ANKS3: variants seen among roughly 807,000 people sequenced by gnomAD.
The protein encoded by ANKS3 is ankyrin repeat and sterile alpha motif domain containing 3, also known as ankyrin repeat and SAM domain-containing protein 3.
A neutral mutation model predicts 80.7 loss-of-function variants in ANKS3; 62 were observed. The ratio of observed to expected loss-of-function variants is 0.77; its 90% CI spans 0.63 to 0.95. ANKS3 has a LOEUF of 0.95. Among genes scored for constraint, ANKS3 ranks in the 40% least tolerant of loss-of-function variants. The pLI, the probability that ANKS3 is intolerant of heterozygous loss-of-function variation, is 0.00. For missense variants in ANKS3, 1,150 were observed against 883.6 expected, an observed-to-expected ratio of 1.30 and a Z score of -3.82; for synonymous variants, 489 against 355.3, an observed-to-expected ratio of 1.38 and a Z score of -4.23.
intron 4 of ANKS3, 27 bp downstream of exon 4, chr16:4,726,952 C>T: frequency 6.2e-7 from 1 of 1,613,392 alleles, no homozygotes; most frequent in East Asian, 2.2e-5. Flanking sequence ...CCTCAGGTTT[C>T]TGGGCCTGAG....
rs1436493417 is a variant in ANKS3, at chr16:4,725,669, G to GT, written c.492-839dup. 1.1e-4 allele frequency among the ~76,000 whole-genome samples: 17 copies of GT among 152,158 alleles called. No homozygotes were observed. In the East Asian group the frequency reaches 3.3e-3, roughly 29 times the overall value. The stretch of plus-strand genomic sequence containing the variant: ...AAAACTCATGACTGGTTTTTTGTTT[G>GT]TTTTTGAGACAGAGTTTTGCTCTTG... On this transcript the variant is annotated intron_variant, in intron 5 of 17. Transcript: ENST00000304283.
rs2079571940 is a variant in ANKS3 at position 4,696,733 on chromosome 16, G to A, written c.*175C>T. ...CCTCAGTGCTGGCCCGAGCTGCCGA[G>A]CCAGGGCCGCAGCCCCCGTCTTGCC... is the stretch of plus-strand genomic sequence containing the variant. On this transcript the variant is annotated 3_prime_UTR_variant, in exon 18 of 18. Coordinates refer to ENST00000304283, the MANE Select transcript of ANKS3 (RefSeq NM_133450.4). The A allele has an allele frequency of 2.0e-6, 1 of 502,632 alleles. No homozygotes were observed. The highest frequency in any genetic ancestry group is 1.9e-5 in the African/African-American group (1 of 51,602). 31.1% of individuals were successfully genotyped at this position (502,632 alleles called of 1,614,324 possible). A position where few individuals can be genotyped will look rare whatever the true frequency, so the allele number is the denominator to read the frequency against.
chr16:4,705,025 T>C, intron 8 of ANKS3, 70 bp downstream of exon 8: 1 of 1,576,250 alleles, frequency 6.3e-7, no homozygotes, highest in Non-Finnish European at 8.6e-7. Flanking sequence ...CTAAGAGCTA[T>C]TCCATTCTTG....
At chr16:4,709,393 C>A (rs1315741058) in intron 7 of ANKS3, among the ~76,000 whole-genome samples, 1 of 146,312 alleles carries the variant, frequency 6.8e-6, no homozygotes, top group East Asian at 2.0e-4. Flanking sequence ...GAAACAAGAG[C>A]GAAACTCCAT....
intron 7 of ANKS3, among the ~76,000 whole-genome samples, chr16:4,706,395 C>G (rs573086292): frequency 1.6e-4 from 25 of 152,102 alleles, no homozygotes; most frequent in Non-Finnish European, 2.9e-4. Flanking sequence ...CCATGCCCAG[C>G]TAATCTTGTT....
chr16:4,703,522 C>G (rs544888761), intron 8 of ANKS3, among the ~76,000 whole-genome samples: 1 of 151,482 alleles, frequency 6.6e-6, no homozygotes, highest in Admixed American at 6.6e-5. Flanking sequence ...CCGGGTTCAA[C>G]CGATTCTCCT....
chr16:4,703,832 T>C (rs947648588), intron 8 of ANKS3, among the ~76,000 whole-genome samples: 1 of 152,072 alleles, frequency 6.6e-6, no homozygotes, highest in Non-Finnish European at 1.5e-5. Context: ...CATGATTACT[T>C]CTCTGTGGAT....
At position 4,698,143 on chromosome 16, in the gene ANKS3, G is replaced by A. The variant is rs908525613; in HGVS notation, c.1725-81C>T. The A allele has an allele frequency of 5.6e-5, 81 of 1,453,120 alleles. 1 individual carries two copies. In the African/African-American group the frequency reaches 1.0e-3, roughly 18 times the overall value. 90.0% of individuals were successfully genotyped at this position (1,453,120 alleles called of 1,614,324 possible). Reference sequence around the variant, plus strand: ...CCCCACCTCAGACCTTCTAGGGGAGGGAGGGGCTCAGCCCTGTCCTTGCAG... The same window carrying A: ...CCCCACCTCAGACCTTCTAGGGGAGAGAGGGGCTCAGCCCTGTCCTTGCAG... On this transcript the variant is annotated intron_variant, in intron 14 of 17. Transcript: ENST00000304283.
intron 6 of ANKS3, among the ~76,000 whole-genome samples, chr16:4,723,326 C>G (rs79723888): frequency 1.6e-4 from 24 of 152,348 alleles, no homozygotes; most frequent in Non-Finnish European, 2.6e-4. Context: ...CATCTATTTT[C>G]TGTCTATGTA....
rs537861360 is a variant in ANKS3, at chr16:4,704,994, A to G, written c.868+101T>C. 4.7e-6 allele frequency: 7 copies of G among 1,489,878 alleles called. No homozygotes were observed. The Admixed American group carries it at 6.2e-5, about 13-fold the overall frequency. The allele number at this position is 1,489,878 out of a possible 1,614,324, so 92.3% of individuals were successfully genotyped here. On this transcript the variant is annotated intron_variant, in intron 8 of 17. Coordinates refer to ENST00000304283, the MANE Select transcript of ANKS3 (RefSeq NM_133450.4). ...CCTGTCCCGCTGCCACCTGAGGTCC[A>G]GCGACCCACATTTCAGGAGCCTAAG...
intron 15 of ANKS3, 46 bp downstream of exon 15, chr16:4,697,931 C>T (rs1196471664): frequency 3.4e-6 from 5 of 1,459,418 alleles, no homozygotes; most frequent in Non-Finnish European, 4.5e-6. Context: ...TCAGGGCTCC[C>T]CCACCTTCCC....
chr16:4,708,061 G>C (rs1171173098), intron 7 of ANKS3, among the ~76,000 whole-genome samples: 7 of 152,114 alleles, frequency 4.6e-5, no homozygotes, highest in Non-Finnish European at 7.3e-5. Flanking sequence ...GTTGCAGTGA[G>C]TCAAGATCGC....
chr16:4,704,108 C>T (rs971772657), intron 8 of ANKS3, among the ~76,000 whole-genome samples: 1 of 152,186 alleles, frequency 6.6e-6, no homozygotes, highest in African/African-American at 2.4e-5. Context: ...TGTGGTGGGG[C>T]TGGCCAGCAG....
chr16:4,715,034 A>G (rs1432940245), intron 6 of ANKS3, among the ~76,000 whole-genome samples: 2 of 150,806 alleles, frequency 1.3e-5, no homozygotes, highest in Admixed American at 1.3e-4. Context: ...GGCACAGCAT[A>G]TTCACAATAA....
At chr16:4,724,357 C>T (rs2081250988) in intron 6 of ANKS3, among the ~76,000 whole-genome samples, 1 of 152,194 alleles carries the variant, frequency 6.6e-6, no homozygotes, top group South Asian at 2.1e-4. Flanking sequence ...CATCTTTCCA[C>T]AGCAGAGGAA....
chr16:4,733,630 ATTG>A (rs2081783118), intron 1 of ANKS3, among the ~76,000 whole-genome samples: 1 of 152,168 alleles, frequency 6.6e-6, no homozygotes, highest in African/African-American at 2.4e-5. Context: ...GTATAATCAT[ATTG>A]TTTGTAACAC....
At chr16:4,716,869 C>T (rs984417363) in intron 6 of ANKS3, among the ~76,000 whole-genome samples, 9 of 151,856 alleles carry the variant, frequency 5.9e-5, no homozygotes, top group African/African-American at 1.5e-4. Flanking sequence ...GAGCTGAGAT[C>T]GCGCCACTGC....
At position 4,730,122 on chromosome 16, in the gene ANKS3, C is replaced by G; in HGVS notation, c.28G>C (p.Glu10Gln). ...AAGCTGCGGTTCAGGAGTTCCGGCT[C>G]GCTGGCTTCATCGCTGAGCTCGGAC... MSELSDEAS[E>Q]PELLNRSLSM... Residue 10 changes from glutamate to glutamine, a missense_variant, in exon 3 of 18, where the codon GAG becomes CAG. Physicochemically the swap from Glu to Gln is conservative, Grantham distance 29. Coordinates refer to ENST00000304283, the MANE Select transcript of ANKS3 (RefSeq NM_133450.4). The G allele has an allele frequency of 6.3e-7, 1 of 1,584,638 alleles. No individual in the cohort carries two copies. Among genetic ancestry groups the G allele is most frequent in the Non-Finnish European group, 8.6e-7 (1 of 1,162,160 alleles).
intron 3 of ANKS3, among the ~76,000 whole-genome samples, chr16:4,728,618 G>A (rs2081476248): frequency 6.7e-6 from 1 of 149,844 alleles, no homozygotes; most frequent in Admixed American, 6.6e-5. Context: ...TCCTTCTGAT[G>A]CCCCCAGCTC....
Sources: gnomAD v4.1 joint callset for allele counts (sites outside exome capture counted in the v4.1 genomes callset) on GRCh38, gnomAD v4.1.1 for gene constraint, MANE v1.5 for transcripts, NCBI Gene and HGNC (gene_info 2026-07-23, HGNC 2026-07-21) for gene names.